TRIM16: variants seen among roughly 807,000 people sequenced by gnomAD.
TRIM16 encodes the protein tripartite motif containing 16, also known as tripartite motif-containing protein 16.
TRIM16 carries 33 observed loss-of-function variants against 50.4 expected under a neutral mutation model. The ratio of observed to expected loss-of-function variants is 0.65; its 90% CI spans 0.50 to 0.88. The LOEUF (loss-of-function observed/expected upper bound fraction) is 0.88. Ranked by LOEUF, TRIM16 falls within the 40% of genes least tolerant of loss-of-function variation. The pLI, the probability that TRIM16 is intolerant of heterozygous loss-of-function variation, is 0.00. For missense variants in TRIM16, 581 were observed against 686.8 expected, an observed-to-expected ratio of 0.85 and a Z score of 1.72; for synonymous variants, 229 against 270.7, an observed-to-expected ratio of 0.85 and a Z score of 1.51.
chr17:15,663,782 T>C (rs1057399686), intron 6 of TRIM16, among the ~76,000 whole-genome samples: 3 of 152,308 alleles, frequency 2.0e-5, no homozygotes, highest in East Asian at 1.9e-4. Context: ...ATACAATGAA[T>C]GCCATGAGAG....
intron 6 of TRIM16, among the ~76,000 whole-genome samples, chr17:15,658,582 T>C (rs1005469775): frequency 6.6e-5 from 10 of 152,234 alleles, no homozygotes; most frequent in Admixed American, 6.5e-5. Context: ...CTGTACTTTA[T>C]TGAGATTGTG....
In TRIM16 at chr17:15,631,599, G is replaced by A. The variant is rs530946081; in HGVS notation, c.1111+20C>T. 35 of 1,613,620 alleles carry A rather than the reference G, an allele frequency of 2.2e-5. No individual in the cohort carries two copies. Among genetic ancestry groups the A allele is most frequent in the East Asian group, 1.1e-4 (5 of 44,884 alleles). On this transcript the variant is annotated intron_variant, in intron 11 of 11. Transcript: ENST00000649191. Reference sequence around the variant, plus strand: ...CACTGATATCAACAACTGGAGAAGCGGGTGCCGTTCACAACTTACATTGGA... The same window carrying A: ...CACTGATATCAACAACTGGAGAAGCAGGTGCCGTTCACAACTTACATTGGA...
At chr17:15,640,163 T>C (rs796157768) in intron 8 of TRIM16, among the ~76,000 whole-genome samples, 2 of 149,066 alleles carry the variant, frequency 1.3e-5, no homozygotes, top group Non-Finnish European at 3.0e-5. Context: ...TTGACCACCA[T>C]TCCACACTGC....
intron 6 of TRIM16, among the ~76,000 whole-genome samples, chr17:15,667,429 C>T (rs796121028): frequency 6.6e-5 from 10 of 152,290 alleles, no homozygotes; most frequent in Middle Eastern, 3.4e-3. Flanking sequence ...TCTCAACTCT[C>T]GAGTACATGA....
chr17:15,656,805 C>T (rs74359828), intron 6 of TRIM16, among the ~76,000 whole-genome samples: 2,782 of 152,158 alleles, frequency 0.018, 75 homozygotes, highest in African/African-American at 0.063. Context: ...CAGGCTGTAA[C>T]GTAGTGGTGC....
At chr17:15,654,021 A>G (rs1051791585) in intron 6 of TRIM16, among the ~76,000 whole-genome samples, 7 of 152,198 alleles carry the variant, frequency 4.6e-5, no homozygotes, top group African/African-American at 1.7e-4. Flanking sequence ...GGGAGGGGTC[A>G]GATCCACCTA....
intron 6 of TRIM16, among the ~76,000 whole-genome samples, chr17:15,673,386 T>A (rs1381215804): frequency 1.3e-5 from 2 of 152,242 alleles, no homozygotes; most frequent in Non-Finnish European, 2.9e-5. Flanking sequence ...TCAAGCCCTG[T>A]TAAATTTCAA....
At chr17:15,675,959 C>A (rs1433753011) in intron 6 of TRIM16, among the ~76,000 whole-genome samples, 1 of 151,642 alleles carries the variant, frequency 6.6e-6, no homozygotes, top group Non-Finnish European at 1.5e-5. Context: ...ATTATCCACT[C>A]CCATGGCTTC....
At position 15,632,651 on chromosome 17, in the gene TRIM16, A is replaced by G; in HGVS notation, c.873T>C (p.Thr291=). 6.2e-7 allele frequency: 1 copy of G among 1,610,294 alleles called. No homozygotes were observed. The highest frequency in any genetic ancestry group is 8.5e-7 in the Non-Finnish European group (1 of 1,178,356). ...FLEEYCKFKN[T]EDITFPSVYV... ...AAACACTAGGGAAGGTGATGTCTTC[A>G]GTGTTCTTAAACTTGCAGTACTCCT... The change falls in exon 10 of 12, where the codon ACT becomes ACC. Residue 291 remains threonine (T), a synonymous_variant. Transcript: ENST00000649191.
intron 4 of TRIM16, among the ~76,000 whole-genome samples, chr17:15,678,405 T>C (rs1008241655): frequency 1.3e-5 from 2 of 152,136 alleles, no homozygotes; most frequent in African/African-American, 4.8e-5. Flanking sequence ...TATACAAACA[T>C]TTCCCAACCT....
At chr17:15,645,275 C>A (rs1987313663) in intron 7 of TRIM16, among the ~76,000 whole-genome samples, 1 of 152,176 alleles carries the variant, frequency 6.6e-6, no homozygotes, top group African/African-American at 2.4e-5. Context: ...TATTAATGAG[C>A]TCCATAAATG....
intron 6 of TRIM16, among the ~76,000 whole-genome samples, chr17:15,675,092 A>C (rs1032160672): frequency 6.6e-6 from 1 of 151,806 alleles, no homozygotes; most frequent in Non-Finnish European, 1.5e-5. Context: ...AAATCACTGC[A>C]TGGTGACAGC....
At chr17:15,640,428 G>A (rs1464689149) in intron 8 of TRIM16, among the ~76,000 whole-genome samples, 3 of 148,772 alleles carry the variant, frequency 2.0e-5, no homozygotes, top group Non-Finnish European at 3.0e-5. Context: ...CTTGTTCACT[G>A]TGGGCACCAG....
intron 7 of TRIM16, among the ~76,000 whole-genome samples, chr17:15,646,767 G>A (rs1201256813): frequency 6.6e-6 from 1 of 151,884 alleles, no homozygotes; most frequent in Non-Finnish European, 1.5e-5. Context: ...AGCCTTTCTA[G>A]AGAAGGAAGA....
At chr17:15,654,003 G>A (rs1381819609) in intron 6 of TRIM16, among the ~76,000 whole-genome samples, 1 of 152,186 alleles carries the variant, frequency 6.6e-6, no homozygotes, top group African/African-American at 2.4e-5. Flanking sequence ...AGAGAGATTG[G>A]GTGGAGGGGG....
chr17:15,681,758 A>G, intron 3 of TRIM16, among the ~76,000 whole-genome samples: 1 of 152,352 alleles, frequency 6.6e-6, no homozygotes, highest in East Asian at 1.9e-4. Flanking sequence ...CTTATTCTAC[A>G]TATCATTCTA....
chr17:15,667,016 G>A (rs1045098658), intron 6 of TRIM16, among the ~76,000 whole-genome samples: 5 of 152,034 alleles, frequency 3.3e-5, no homozygotes, highest in Admixed American at 6.6e-5. Flanking sequence ...CTTATGAATG[G>A]GATAAGTCTA....
intron 6 of TRIM16, 122 bp from the exon 7 acceptor site, chr17:15,652,068 C>A: frequency 1.5e-6 from 1 of 683,848 alleles, no homozygotes; most frequent in Non-Finnish European, 1.8e-6. Context: ...GACTTCAACA[C>A]CAGGACAGCC....
At chr17:15,676,145 T>G (rs1988931637) in intron 6 of TRIM16, among the ~76,000 whole-genome samples, 1 of 152,172 alleles carries the variant, frequency 6.6e-6, no homozygotes, top group African/African-American at 2.4e-5. Context: ...CAAGTCTTTG[T>G]GTGGGGCCCC....
Sources: gnomAD v4.1 joint callset for allele counts (sites outside exome capture counted in the v4.1 genomes callset) on GRCh38, gnomAD v4.1.1 for gene constraint, MANE v1.5 for transcripts, NCBI Gene and HGNC (gene_info 2026-07-23, HGNC 2026-07-21) for gene names.